TACR3: variants seen among roughly 807,000 people sequenced by gnomAD.
TACR3 encodes the protein tachykinin receptor 3, also known as neuromedin-K receptor.
TACR3 carries 34 observed loss-of-function variants against 35.0 expected under a neutral mutation model. That is an observed-to-expected ratio of 0.97 (90% CI 0.74 to 1.30). The LOEUF is 1.30. Ranked by LOEUF, TACR3 falls within the 50% of genes most tolerant of loss-of-function variation. TACR3 has a pLI of 0.00. For missense variants in TACR3, 558 were observed against 591.7 expected (o/e 0.94, Z 0.59); for synonymous variants, 233 against 221.1 (o/e 1.05, Z -0.48).
intron 3 of TACR3, among the ~76,000 whole-genome samples, chr4:103,635,729 T>A (rs774509416): frequency 7.2e-5 from 11 of 152,026 alleles, no homozygotes; most frequent in Non-Finnish European, 1.2e-4. Flanking sequence ...AGTAAATATT[T>A]GATGAATCTC....
intron 1 of TACR3, among the ~76,000 whole-genome samples, chr4:103,680,013 T>G (rs1421166525): frequency 6.6e-6 from 1 of 151,856 alleles, no homozygotes; most frequent in Non-Finnish European, 1.5e-5. Flanking sequence ...TTATGTTTCT[T>G]TATAGTACTC....
intron 1 of TACR3, among the ~76,000 whole-genome samples, chr4:103,698,411 AAATCTTT>A (rs1435195345): frequency 0.027 from 4,136 of 152,182 alleles, 207 homozygotes; most frequent in African/African-American, 0.095. Flanking sequence ...GAAAAGTCTC[AAATCTTT>A]TTCTCCATTG....
chr4:103,592,586 A>G (rs1432266691), intron 3 of TACR3, among the ~76,000 whole-genome samples: 2 of 152,180 alleles, frequency 1.3e-5, no homozygotes, highest in Non-Finnish European at 2.9e-5. Flanking sequence ...AGCAATGTAC[A>G]ATGAACAATG....
At chr4:103,614,087 G>A (rs1268605162) in intron 3 of TACR3, among the ~76,000 whole-genome samples, 1 of 152,126 alleles carries the variant, frequency 6.6e-6, no homozygotes, top group South Asian at 2.1e-4. Flanking sequence ...TTTTGGTGAT[G>A]TACAATTTAG....
At chr4:103,601,652 T>G (rs1008867762) in intron 3 of TACR3, among the ~76,000 whole-genome samples, 10 of 152,182 alleles carry the variant, frequency 6.6e-5, no homozygotes, top group Admixed American at 3.9e-4. Flanking sequence ...TGAAGCTTAG[T>G]TTGGCTGGAT....
chr4:103,636,138 T>C (rs1397664763), intron 3 of TACR3, among the ~76,000 whole-genome samples: 1 of 151,996 alleles, frequency 6.6e-6, no homozygotes, highest in African/African-American at 2.4e-5. Context: ...TTAATTACTC[T>C]CAGTATGCTT....
intron 3 of TACR3, among the ~76,000 whole-genome samples, chr4:103,653,221 T>C (rs1323908763): frequency 6.6e-6 from 1 of 152,084 alleles, no homozygotes; most frequent in Non-Finnish European, 1.5e-5. Context: ...ACACTCCCAG[T>C]CTGAATTAGT....
intron 3 of TACR3, among the ~76,000 whole-genome samples, chr4:103,606,637 T>C (rs1164378753): frequency 1.3e-5 from 2 of 152,106 alleles, no homozygotes; most frequent in African/African-American, 4.8e-5. Context: ...GTTGTTGGTG[T>C]ATAAGAATGC....
intron 1 of TACR3, among the ~76,000 whole-genome samples, chr4:103,701,644 G>A (rs1454590141): frequency 3.1e-4 from 47 of 150,732 alleles, no homozygotes; most frequent in Non-Finnish European, 5.3e-4. Context: ...ACCTGACTTC[G>A]AACTATACTA....
intron 3 of TACR3, among the ~76,000 whole-genome samples, chr4:103,628,513 A>C (rs570400709): frequency 4.6e-5 from 7 of 152,368 alleles, no homozygotes; most frequent in Non-Finnish European, 7.3e-5. Flanking sequence ...AGAGAATACT[A>C]TAAACAACTC....
At chr4:103,676,672 A>C (rs1034748829) in intron 1 of TACR3, among the ~76,000 whole-genome samples, 1 of 152,178 alleles carries the variant, frequency 6.6e-6, no homozygotes, top group Non-Finnish European at 1.5e-5. Context: ...CATATGCAGA[A>C]AATTGAAACT....
Position 103,650,993 on chromosome 4 carries a change from T to G in TACR3, c.888+5201A>C, listed in dbSNP as rs1725605532. Among the ~76,000 whole-genome samples, 2 of 80,262 alleles carry G rather than the reference T, an allele frequency of 2.5e-5. 1 individual carries two copies. Among genetic ancestry groups the G allele is most frequent in the South Asian group, 6.2e-4 (2 of 3,218 alleles). 52.7% of individuals were successfully genotyped at this position (80,262 alleles called of 152,430 possible). On this transcript the variant is annotated intron_variant, in intron 3 of 4. Transcript: ENST00000304883. ...TATATATCTTATATATAATAATATA[T>G]ATATCTCATATATAATAATATATAT... is the stretch of plus-strand genomic sequence containing the variant.
At chr4:103,629,635 A>C in intron 3 of TACR3, among the ~76,000 whole-genome samples, 1 of 152,128 alleles carries the variant, frequency 6.6e-6, no homozygotes, top group Non-Finnish European at 1.5e-5. Context: ...TCAATGAAAT[A>C]AAAGAGTACA....
chr4:103,631,820 G>A (rs531415982), intron 3 of TACR3, among the ~76,000 whole-genome samples: 8 of 152,258 alleles, frequency 5.3e-5, no homozygotes, highest in African/African-American at 1.9e-4. Flanking sequence ...GAAGACAATG[G>A]TGAGTAAAGC....
At chr4:103,680,341 G>C (rs191730742) in intron 1 of TACR3, among the ~76,000 whole-genome samples, 3 of 151,298 alleles carry the variant, frequency 2.0e-5, no homozygotes, top group African/African-American at 7.3e-5. Flanking sequence ...AAGGAGGAAT[G>C]TTTAAGCTTG....
intron 1 of TACR3, among the ~76,000 whole-genome samples, chr4:103,711,082 A>G (rs1722945011): frequency 1.3e-5 from 2 of 152,228 alleles, no homozygotes; most frequent in Non-Finnish European, 2.9e-5. Flanking sequence ...AGCTGGTACC[A>G]TTCCTTATGA....
chr4:103,639,335 G>T (rs768013485), intron 3 of TACR3, among the ~76,000 whole-genome samples: 1 of 151,898 alleles, frequency 6.6e-6, no homozygotes, highest in East Asian at 1.9e-4. Context: ...GCAAACTATC[G>T]CCAGGACAAA....
At position 103,658,211 on chromosome 4, in the gene TACR3, T is replaced by C; in HGVS notation, c.737+4A>G. ...TTGAAAACCATAATAGAGAATTAAC[T>C]TACGTGAAATGTTGTTTGGGACCTT... On this transcript the variant is annotated splice_donor_region_variant and intron_variant, in intron 2 of 4. Coordinates refer to ENST00000304883, the MANE Select transcript of TACR3 (RefSeq NM_001059.3). 1 of 1,613,604 alleles carries C rather than the reference T, an allele frequency of 6.2e-7. No homozygotes were observed. Among genetic ancestry groups the C allele is most frequent in the Non-Finnish European group, 8.5e-7 (1 of 1,179,670 alleles).
At chr4:103,667,220 T>C (rs757040900) in intron 1 of TACR3, among the ~76,000 whole-genome samples, 7 of 152,264 alleles carry the variant, frequency 4.6e-5, no homozygotes, top group Non-Finnish European at 1.0e-4. Flanking sequence ...ATCGCGCCAT[T>C]GCATTCCAGC....
Sources: gnomAD v4.1 joint callset for allele counts (sites outside exome capture counted in the v4.1 genomes callset) on GRCh38, gnomAD v4.1.1 for gene constraint, MANE v1.5 for transcripts, NCBI Gene and HGNC (gene_info 2026-07-23, HGNC 2026-07-21) for gene names.